Variants in ZNF487 observed in about 807,000 individuals in gnomAD.
ZNF487 encodes the protein zinc finger protein 487.
In ZNF487, 4 loss-of-function variants were observed where a neutral mutation model predicts 3.0. The ratio of observed to expected loss-of-function variants is 1.35; its 90% CI spans 0.66 to 3.08. The LOEUF is 3.08. ZNF487 is among the 30% of genes most tolerant of loss of function. ZNF487 has a pLI of 0.01. For missense variants in ZNF487, 146 were observed against 98.7 expected (o/e 1.48, Z -2.03); for synonymous variants, 55 against 34.6 (o/e 1.59, Z -2.06).
chr10:43,452,595 G>A (rs1163527876), intron 1 of ZNF487: 5 of 152,124 alleles, frequency 3.3e-5, no homozygotes, highest in Non-Finnish European at 7.3e-5. Context: ...CTGAGCTCAA[G>A]TGATCCTCTC....
At chr10:43,479,910 CCTCCCAAAGTG>C (rs1274876196) in intron 3 of ZNF487, among the ~76,000 whole-genome samples, 15 of 152,140 alleles carry the variant, frequency 9.9e-5, no homozygotes. Context: ...CCTGCCTCGG[CCTCCCAAAGTG>C]CTGGGATTAC....
chr10:43,457,849 C>A (rs1025042322), intron 1 of ZNF487, among the ~76,000 whole-genome samples: 1 of 151,954 alleles, frequency 6.6e-6, no homozygotes, highest in African/African-American at 2.4e-5. Flanking sequence ...GGTGAAACCC[C>A]GTCTCTACTA....
At chr10:43,496,967 T>C in the ZNF487 span, among the ~76,000 whole-genome samples, 5 of 152,212 alleles carry the variant, frequency 3.3e-5, no homozygotes, top group Non-Finnish European at 7.3e-5. Context: ...TCGGTCTGTT[T>C]TCCTTAATAA....
chr10:43,470,703 A>G (rs988685984), intron 1 of ZNF487, among the ~76,000 whole-genome samples: 1 of 151,562 alleles, frequency 6.6e-6, no homozygotes, highest in Non-Finnish European at 1.5e-5. Flanking sequence ...TATTTATTGT[A>G]GAGATGGGAT....
chr10:43,482,487 A>G lies in ZNF487; in HGVS notation c.*565A>G, dbSNP rs1411335238. 1 of 472,896 alleles carries G rather than the reference A, an allele frequency of 2.1e-6. No individual in the cohort carries two copies. Among genetic ancestry groups the G allele is most frequent in the Non-Finnish European group, 4.3e-6 (1 of 231,280 alleles). 29.3% of individuals were successfully genotyped at this position (472,896 alleles called of 1,614,324 possible). A position where few individuals can be genotyped will look rare whatever the true frequency, so the allele number is the denominator to read the frequency against. On this transcript the variant is annotated 3_prime_UTR_variant, in exon 4 of 4. Coordinates refer to ENST00000437590, the MANE Select transcript of ZNF487 (RefSeq NM_001355444.3). Reference sequence around the variant, plus strand: ...GTACATCAAAGAACACACACGGGACAAAACCTATGAATGTAATGAATGTGG... The same window carrying G: ...GTACATCAAAGAACACACACGGGACGAAACCTATGAATGTAATGAATGTGG...
intron 3 of ZNF487, among the ~76,000 whole-genome samples, chr10:43,480,017 TTC>T (rs1366436125): frequency 1.8e-4 from 13 of 72,702 alleles, no homozygotes; most frequent in Non-Finnish European, 4.3e-4. Context: ...CTTTCTTTCT[TTC>T]TTTCTTTCTT....
intron 3 of ZNF487, among the ~76,000 whole-genome samples, chr10:43,478,678 C>T: frequency 6.6e-6 from 1 of 152,094 alleles, no homozygotes; most frequent in East Asian, 1.9e-4. Flanking sequence ...ATGATCATGC[C>T]ACTGCATTCC....
the ZNF487 span, among the ~76,000 whole-genome samples, chr10:43,506,225 A>G: frequency 4.6e-5 from 7 of 152,216 alleles, no homozygotes; most frequent in East Asian, 3.9e-4. Context: ...CAAAAGGACC[A>G]GGCCCAGGCC....
the ZNF487 span, among the ~76,000 whole-genome samples, chr10:43,510,924 G>A: frequency 6.6e-6 from 1 of 152,170 alleles, no homozygotes; most frequent in Non-Finnish European, 1.5e-5. Context: ...CCAGTTTAAT[G>A]GAATTGTTGT....
chr10:43,472,814 T>C (rs1459106181), intron 1 of ZNF487, among the ~76,000 whole-genome samples: 2 of 152,138 alleles, frequency 1.3e-5, no homozygotes, highest in East Asian at 3.9e-4. Flanking sequence ...GCCTTCCAAC[T>C]TATTCTGTTA....
chr10:43,442,797 G>A (rs947931975), intron 1 of ZNF487, among the ~76,000 whole-genome samples: 3 of 152,096 alleles, frequency 2.0e-5, no homozygotes, highest in Non-Finnish European at 2.9e-5. Flanking sequence ...TGTGTTCAGC[G>A]TACAAGTCTG....
chr10:43,522,063 C>T, the ZNF487 span, among the ~76,000 whole-genome samples: 4 of 152,178 alleles, frequency 2.6e-5, no homozygotes, highest in African/African-American at 9.7e-5. Context: ...AAACTACATA[C>T]CTGATCTTGT....
chr10:43,512,448 C>T, the ZNF487 span, among the ~76,000 whole-genome samples: 1 of 152,192 alleles, frequency 6.6e-6, no homozygotes, highest in Non-Finnish European at 1.5e-5. Flanking sequence ...TCATAATAGG[C>T]AGTTCAGGTT....
the ZNF487 span, among the ~76,000 whole-genome samples, chr10:43,505,956 T>G: frequency 6.6e-6 from 1 of 152,244 alleles, no homozygotes; most frequent in Admixed American, 6.5e-5. Context: ...TTTATGTTTT[T>G]TAAACCACAT....
intron 1 of ZNF487, among the ~76,000 whole-genome samples, chr10:43,460,127 T>C (rs530104485): frequency 2.0e-5 from 3 of 152,172 alleles, no homozygotes; most frequent in African/African-American, 7.2e-5. Context: ...TTTTTTTAGC[T>C]AATAGACCAG....
chr10:43,496,173 G>A, the ZNF487 span: 2 of 474,396 alleles, frequency 4.2e-6, no homozygotes, highest in Non-Finnish European at 8.8e-6. Flanking sequence ...ACTTCAAATA[G>A]CATTCATTTC....
rs117654681 is a variant in ZNF487, at chr10:43,474,605, C to T, written c.-93-1116C>T. On this transcript the variant is annotated intron_variant, in intron 1 of 3. Transcript: ENST00000437590. ...ATGATTTATTATTTATTTTTTGAGACAGAGTCTAGCTCTGTCACCCAGGCT... is the reference window on the plus strand; with the variant it reads ...ATGATTTATTATTTATTTTTTGAGATAGAGTCTAGCTCTGTCACCCAGGCT... Among the ~76,000 whole-genome samples the T allele has an allele frequency of 6.1e-3, 929 of 152,044 alleles. 9 individuals carry two copies. Among genetic ancestry groups the T allele is most frequent in the African/African-American group, 0.018 (737 of 41,462 alleles).
chr10:43,501,384 AAT>A, the ZNF487 span, among the ~76,000 whole-genome samples: 1 of 152,156 alleles, frequency 6.6e-6, no homozygotes, highest in African/African-American at 2.4e-5. Context: ...GTTTATAAAA[AAT>A]ATTTTTCTTC....
chr10:43,464,698 T>G (rs1240492950), intron 1 of ZNF487, among the ~76,000 whole-genome samples: 2 of 152,224 alleles, frequency 1.3e-5, no homozygotes, highest in African/African-American at 2.4e-5. Flanking sequence ...GGTAAGGTCA[T>G]AGATCAACAG....
Sources: allele counts gnomAD v4.1 joint callset (sites outside exome capture counted in the v4.1 genomes callset), GRCh38; gene constraint gnomAD v4.1.1; transcripts MANE v1.5; gene names NCBI Gene and HGNC (gene_info 2026-07-23, HGNC 2026-07-21).